Variants in KRT23 observed in about 807,000 individuals in gnomAD.
KRT23 encodes keratin, type I cytoskeletal 23.
KRT23 carries 38 observed loss-of-function variants against 47.6 expected under a neutral mutation model. The observed-to-expected ratio is 0.80, with a 90% CI of 0.62 to 1.05. The LOEUF (loss-of-function observed/expected upper bound fraction) is 1.05. Ranked by LOEUF, KRT23 falls within the 50% of genes least tolerant of loss-of-function variation. The pLI, the probability that KRT23 is intolerant of heterozygous loss-of-function variation, is 0.00. For missense variants in KRT23, 503 were observed against 529.5 expected, an observed-to-expected ratio of 0.95 and a Z score of 0.49; for synonymous variants, 191 against 199.0, an observed-to-expected ratio of 0.96 and a Z score of 0.34.
In KRT23 at chr17:40,928,541, C is replaced by T. The variant is rs1567796477; in HGVS notation, c.703G>A (p.Glu235Lys). ...VNVKVDTGPR[E>K]DLIKVLEDMR... Reference sequence around the variant, plus strand: ...TCCTCCAGGACCTTAATCAGATCTTCCCTGGGACCTGTATCCACCTTCACA... The same window carrying T: ...TCCTCCAGGACCTTAATCAGATCTTTCCTGGGACCTGTATCCACCTTCACA... Residue 235 changes from glutamate (E) to lysine (K), a missense_variant, in exon 5 of 9, where the codon GAA (glutamate) becomes AAA (lysine). Coordinates refer to ENST00000209718, the MANE Select transcript of KRT23 (RefSeq NM_015515.5). 4.3e-6 allele frequency: 7 copies of T among 1,613,976 alleles called. No homozygotes were observed. Among genetic ancestry groups the T allele is most frequent in the African/African-American group, 2.7e-5 (2 of 75,044 alleles).
At chr17:40,923,169 C>A in intron 8 of KRT23, 86 bp from the exon 9 acceptor site, 1 of 1,015,086 alleles carries the variant, frequency 9.9e-7, no homozygotes. Context: ...GCTGTCAGCC[C>A]CTGAAGGCTC....
chr17:40,929,027 C>CAAAAA (rs3067615), intron 4 of KRT23, among the ~76,000 whole-genome samples: 14 of 64,250 alleles, frequency 2.2e-4, no homozygotes, highest in Middle Eastern at 0.01. Context: ...ACCCTGTCTC[C>CAAAAA]AAAAAAAAAA....
chr17:40,930,120 G>A (rs1471679524), intron 3 of KRT23, 24 bp from the exon 4 acceptor site: 16 of 1,601,656 alleles, frequency 1.0e-5, no homozygotes, highest in Middle Eastern at 1.7e-4. Flanking sequence ...GAAGAGAAGA[G>A]TGCACTCATT....
chr17:40,932,763 AG>A (rs1222185984), intron 2 of KRT23, among the ~76,000 whole-genome samples: 4 of 152,228 alleles, frequency 2.6e-5, no homozygotes. Flanking sequence ...ACCTTTTAAA[AG>A]TCTGGTCCTA....
At position 40,926,099 on chromosome 17, in the gene KRT23, T is replaced by G. The variant is rs57206415; in HGVS notation, c.922-525A>C. On this transcript the variant is annotated intron_variant, in intron 6 of 8. Coordinates refer to ENST00000209718, the MANE Select transcript of KRT23 (RefSeq NM_015515.5). ...TTTGGTAAATCTGGCAACCCTAGTC[T>G]CAAGCAATGCTTTTTGATTATGACG... 4.6e-3 allele frequency among the ~76,000 whole-genome samples: 696 copies of G among 152,222 alleles called. 5 individuals carry two copies. Among genetic ancestry groups the G allele is most frequent in the African/African-American group, 0.015 (641 of 41,514 alleles).
chr17:40,931,638 A>G (rs990451649), intron 2 of KRT23, among the ~76,000 whole-genome samples, 183 bp from the exon 3 acceptor site: 7 of 152,260 alleles, frequency 4.6e-5, no homozygotes, highest in African/African-American at 1.7e-4. Flanking sequence ...TACTAGGTGC[A>G]AAGCAGAATG....
At chr17:40,935,750 G>A (rs923610304) in intron 2 of KRT23, among the ~76,000 whole-genome samples, 1 of 152,180 alleles carries the variant, frequency 6.6e-6, no homozygotes, top group African/African-American at 2.4e-5. Context: ...GTTCAAAAAA[G>A]TTTGAGGTGG....
chr17:40,932,913 T>C (rs560875375), intron 2 of KRT23, among the ~76,000 whole-genome samples: 1 of 152,296 alleles, frequency 6.6e-6, no homozygotes, highest in South Asian at 2.1e-4. Context: ...TGGGTGAGAT[T>C]GGCTGAGTGA....
At chr17:40,923,165 A>G (rs1180956590) in intron 8 of KRT23, 82 bp from the exon 9 acceptor site, 10 of 1,066,720 alleles carry the variant, frequency 9.4e-6, no homozygotes, top group Non-Finnish European at 1.4e-5. Context: ...CTCTGCTGTC[A>G]GCCCCTGAAG....
At chr17:40,929,027 C>CA (rs3067615) in intron 4 of KRT23, among the ~76,000 whole-genome samples, 6,432 of 62,192 alleles carry the variant, frequency 0.1, 262 homozygotes, top group African/African-American at 0.14. Context: ...ACCCTGTCTC[C>CA]AAAAAAAAAA....
intron 6 of KRT23, among the ~76,000 whole-genome samples, chr17:40,925,913 A>G (rs151011509): frequency 4.5e-4 from 68 of 152,370 alleles, no homozygotes; most frequent in African/African-American, 1.4e-3. Flanking sequence ...GGGATGCCAG[A>G]TAAAATAGAG....
At chr17:40,923,168 C>T (rs2143420863) in intron 8 of KRT23, 85 bp from the exon 9 acceptor site, 3 of 1,031,794 alleles carry the variant, frequency 2.9e-6, no homozygotes, top group East Asian at 2.4e-5. Flanking sequence ...TGCTGTCAGC[C>T]CCTGAAGGCT....
intron 8 of KRT23, among the ~76,000 whole-genome samples, chr17:40,923,939 C>T (rs1909075570): frequency 6.6e-6 from 1 of 152,198 alleles, no homozygotes; most frequent in Non-Finnish European, 1.5e-5. Context: ...GAATACTGGG[C>T]TAAACAAAGT....
rs1909541464 is a variant in KRT23 at position 40,930,045 on chromosome 17, G to C, written c.531C>G (p.Gly177=). 1 of 1,613,892 alleles carries C rather than the reference G, an allele frequency of 6.2e-7. No individual in the cohort carries two copies. Among genetic ancestry groups the C allele is most frequent in the Non-Finnish European group, 8.5e-7 (1 of 1,179,914 alleles). ...TCAGGTTGTCTAAGGTCCTTCGGAG[G>C]CCCTCGACTTCAATTTCCAAGTCTT... ...FKKDLEIEVE[G]LRRTLDNLTI... Residue 177 remains glycine, a synonymous_variant, in exon 4 of 9, where the codon GGC becomes GGG. Coordinates refer to ENST00000209718, the MANE Select transcript of KRT23 (RefSeq NM_015515.5).
chr17:40,924,287 T>C (rs1259682130), intron 8 of KRT23, among the ~76,000 whole-genome samples, 185 bp downstream of exon 8: 4 of 152,172 alleles, frequency 2.6e-5, no homozygotes, highest in Non-Finnish European at 4.4e-5. Context: ...TTTACCTATA[T>C]TGAGGACAAT....
intron 6 of KRT23, among the ~76,000 whole-genome samples, chr17:40,927,976 A>C (rs767538330): frequency 2.6e-4 from 40 of 152,102 alleles, no homozygotes; most frequent in Non-Finnish European, 4.9e-4. Context: ...TAAAATGGGG[A>C]CACTAAGACC....
chr17:40,928,574 T>C lies in KRT23; in HGVS notation c.670A>G (p.Asn224Asp), dbSNP rs1192810224. The change falls in exon 5 of 9, where the codon AAT becomes GAT. Residue 224 changes from asparagine to aspartate, a missense_variant. Physicochemically the swap from Asn to Asp is conservative, Grantham distance 23 (BLOSUM62 1). Transcript: ENST00000209718. ...CCTGTATCCACCTTCACATTGACAT[T>C]GAAGTCACTTGGCACATGATGCTTC... ...MEKHHVPSDF[N>D]VNVKVDTGPR... 1.2e-6 allele frequency: 2 copies of C among 1,613,750 alleles called. No individual in the cohort carries two copies. The highest frequency in any genetic ancestry group is 1.7e-6 in the Non-Finnish European group (2 of 1,180,004).
intron 4 of KRT23, 81 bp from the exon 5 acceptor site, chr17:40,928,688 T>C: frequency 3.1e-6 from 4 of 1,309,494 alleles, no homozygotes; most frequent in Non-Finnish European, 3.2e-6. Flanking sequence ...CAGTGGTAAA[T>C]AGATCTTTTA....
At chr17:40,930,132 T>C in intron 3 of KRT23, 36 bp from the exon 4 acceptor site, 1 of 1,584,236 alleles carries the variant, frequency 6.3e-7, no homozygotes, top group Non-Finnish European at 8.6e-7. Context: ...GCACTCATTG[T>C]TGGAAGGCCA....
Sources: allele counts gnomAD v4.1 joint callset (sites outside exome capture counted in the v4.1 genomes callset), GRCh38; gene constraint gnomAD v4.1.1; transcripts MANE v1.5; gene names NCBI Gene and HGNC (gene_info 2026-07-23, HGNC 2026-07-21).